The following GPC5 variants were observed in gnomAD, a reference collection of about 807,000 sequenced individuals.
GPC5 encodes glypican-5.
Under a neutral mutation model 53.9 loss-of-function variants are expected in GPC5, and 47 were observed. The ratio of observed to expected loss-of-function variants is 0.87; its 90% confidence interval spans 0.69 to 1.11. The LOEUF is 1.11. Among genes scored for constraint, GPC5 ranks in the 50% most tolerant of loss-of-function variants. The probability of loss-of-function intolerance (pLI) is 0.00; values close to 1 mark genes in which losing one functional copy is unlikely to be tolerated. For missense variants in GPC5, 748 were observed against 713.1 expected, an observed-to-expected ratio of 1.05 and a Z score of -0.56; for synonymous variants, 286 against 263.3, an observed-to-expected ratio of 1.09 and a Z score of -0.84.
intron 5 of GPC5, among the ~76,000 whole-genome samples, chr13:91,788,365 C>A (rs1482045433): frequency 2.6e-5 from 4 of 152,182 alleles, no homozygotes; most frequent in African/African-American, 9.7e-5. Flanking sequence ...AAGTCCTCAC[C>A]TTTAAGTCCA....
In GPC5 at chr13:92,637,326, A is replaced by C. The variant is rs1203149276; in HGVS notation, c.1562-228956A>C. ...AGATCAGAAAACTATCCACAGAGAG[A>C]GCTTCAGAGATTTTCAGGGGATGTA... On this transcript the variant is annotated intron_variant, in intron 7 of 7. Transcript: ENST00000377067. Among the ~76,000 whole-genome samples the C allele has an allele frequency of 9.2e-5, 14 of 152,304 alleles. No individual in the cohort carries two copies. In the East Asian group the frequency reaches 1.2e-3, roughly 13 times the overall value.
At chr13:91,813,858 C>T (rs1185393) in intron 5 of GPC5, among the ~76,000 whole-genome samples, 1 of 148,130 alleles carries the variant, frequency 6.8e-6, no homozygotes, top group African/African-American at 2.5e-5. Flanking sequence ...AAAGTTAAAT[C>T]TTGTTCATGT....
chr13:91,768,229 T>C (rs1228070094), intron 5 of GPC5, among the ~76,000 whole-genome samples: 1 of 152,146 alleles, frequency 6.6e-6, no homozygotes, highest in Non-Finnish European at 1.5e-5. Flanking sequence ...TGTAGTCTAA[T>C]TGAATTTATA....
At position 92,199,597 on chromosome 13, in the gene GPC5, G is replaced by A. The variant is rs915804250; in HGVS notation, c.1561+54608G>A. Among the ~76,000 whole-genome samples, 3 of 151,994 alleles carry A rather than the reference G, an allele frequency of 2.0e-5. No individual in the cohort carries two copies. The East Asian group carries it at 5.8e-4, about 29-fold the overall frequency. ...AGACTGTAATTACAAAGAGAACATT[G>A]GTCATTATTTTTACACTTTGTATGT... On this transcript the variant is annotated intron_variant, in intron 7 of 7. Coordinates refer to ENST00000377067, the MANE Select transcript of GPC5 (RefSeq NM_004466.6).
At chr13:91,593,518 T>A (rs551450262) in intron 2 of GPC5, among the ~76,000 whole-genome samples, 10 of 152,318 alleles carry the variant, frequency 6.6e-5, no homozygotes, top group Non-Finnish European at 1.2e-4. Context: ...TTTCCCACTG[T>A]GTGTGCCTGG....
At chr13:92,407,236 A>T (rs1875832780) in intron 7 of GPC5, among the ~76,000 whole-genome samples, 1 of 152,204 alleles carries the variant, frequency 6.6e-6, no homozygotes, top group Non-Finnish European at 1.5e-5. Flanking sequence ...AAGATACATA[A>T]TCCAAATTAT....
intron 6 of GPC5, among the ~76,000 whole-genome samples, chr13:91,951,734 G>T (rs1434631829): frequency 2.0e-5 from 3 of 152,098 alleles, no homozygotes; most frequent in Non-Finnish European, 2.9e-5. Flanking sequence ...TTAGAGGTGT[G>T]TCTCCAAGGT....
At chr13:91,857,649 C>A (rs1175456977) in intron 5 of GPC5, among the ~76,000 whole-genome samples, 1 of 150,576 alleles carries the variant, frequency 6.6e-6, no homozygotes, top group Non-Finnish European at 1.5e-5. Flanking sequence ...AACCTCAGTA[C>A]ATTAAATATA....
intron 7 of GPC5, among the ~76,000 whole-genome samples, chr13:92,743,038 T>C (rs1481164150): frequency 2.0e-5 from 3 of 152,124 alleles, no homozygotes; most frequent in Non-Finnish European, 2.9e-5. Flanking sequence ...TTTGTTCTTT[T>C]GGCTTAGGAT....
chr13:91,896,779 A>C (rs2039446707), intron 5 of GPC5, among the ~76,000 whole-genome samples: 1 of 152,160 alleles, frequency 6.6e-6, no homozygotes, highest in African/African-American at 2.4e-5. Context: ...TAGGAATCTA[A>C]AAGTCCCTAG....
chr13:92,412,189 G>T (rs9561037), intron 7 of GPC5, among the ~76,000 whole-genome samples: 1 of 152,122 alleles, frequency 6.6e-6, no homozygotes, highest in African/African-American at 2.4e-5. Context: ...TGTAGTGCTA[G>T]AAATTCCTAT....
At chr13:92,225,415 A>T (rs758050219) in intron 7 of GPC5, among the ~76,000 whole-genome samples, 2 of 152,186 alleles carry the variant, frequency 1.3e-5, no homozygotes, top group South Asian at 4.1e-4. Context: ...GTGGTTTTTG[A>T]TAAGAATGCC....
At chr13:92,258,675 C>G (rs1362396317) in intron 7 of GPC5, among the ~76,000 whole-genome samples, 1 of 152,080 alleles carries the variant, frequency 6.6e-6, no homozygotes, top group African/African-American at 2.4e-5. Flanking sequence ...ATTGGTAAAG[C>G]CTCAAACAGT....
rs763015207 is a variant in GPC5, at chr13:92,696,547, TG to T, written c.1562-169734del. 2.4e-4 allele frequency among the ~76,000 whole-genome samples: 36 copies of T among 152,346 alleles called. No individual in the cohort carries two copies. The Middle Eastern group carries it at 0.01, about 43-fold the overall frequency. On this transcript the variant is annotated intron_variant, in intron 7 of 7. Coordinates refer to ENST00000377067, the MANE Select transcript of GPC5 (RefSeq NM_004466.6). ...TCGCCCACTTTTTGATGGGGTTGTT[TG>T]TTTTTTTCTTGTAAATTTGTGTAAG...
At chr13:91,836,013 C>G (rs2038719916) in intron 5 of GPC5, among the ~76,000 whole-genome samples, 1 of 151,946 alleles carries the variant, frequency 6.6e-6, no homozygotes. Context: ...GCCATGGGTA[C>G]ACTGTTTTGT....
At chr13:92,856,444 T>C (rs915144523) in intron 7 of GPC5, among the ~76,000 whole-genome samples, 1 of 151,878 alleles carries the variant, frequency 6.6e-6, no homozygotes, top group Non-Finnish European at 1.5e-5. Context: ...AGACAAAACG[T>C]CTACTCTCTC....
intron 6 of GPC5, among the ~76,000 whole-genome samples, chr13:91,910,511 A>C (rs1220410238): frequency 6.6e-6 from 1 of 152,172 alleles, no homozygotes; most frequent in Non-Finnish European, 1.5e-5. Flanking sequence ...CCTTTGTGCT[A>C]TGAAAAATGC....
intron 1 of GPC5, 110 bp from the exon 2 acceptor site, chr13:91,448,651 A>G (rs1880964556): frequency 2.2e-5 from 24 of 1,079,290 alleles, no homozygotes; most frequent in Non-Finnish European, 3.0e-5. Flanking sequence ...TAGCAAATCC[A>G]TTCCTCACAT....
chr13:91,570,488 T>C (rs1261644543), intron 2 of GPC5, among the ~76,000 whole-genome samples: 1 of 152,212 alleles, frequency 6.6e-6, no homozygotes, highest in East Asian at 1.9e-4. Flanking sequence ...ACTCAACCTG[T>C]ATTATACTTA....
Sources: allele counts gnomAD v4.1 joint callset (sites outside exome capture counted in the v4.1 genomes callset), GRCh38; gene constraint gnomAD v4.1.1; transcripts MANE v1.5; gene names NCBI Gene and HGNC (gene_info 2026-07-23, HGNC 2026-07-21).